Variants in NEXMIF observed in about 807,000 individuals in gnomAD.
NEXMIF encodes the protein XLMR protein related to neurite extension.
Under a neutral mutation model 62.1 loss-of-function variants are expected in NEXMIF, and 8 were observed. The ratio of observed to expected loss-of-function variants is 0.13; its 90% confidence interval spans 0.08 to 0.23. NEXMIF has a LOEUF of 0.23. Ranked by LOEUF, NEXMIF falls within the 10% of genes least tolerant of loss-of-function variation. The probability of loss-of-function intolerance (pLI) is 1.00; values close to 1 mark genes in which losing one functional copy is unlikely to be tolerated. For synonymous variants in NEXMIF, 404 were observed against 416.6 expected (o/e 0.97, Z 0.37); for missense variants, 976 against 1,113.3 (o/e 0.88, Z 1.75).
chrX:74,900,290 C>T (rs945854593), intron 1 of NEXMIF, among the ~76,000 whole-genome samples: 1 of 108,650 alleles, frequency 9.2e-6, no homozygotes, highest in Non-Finnish European at 1.9e-5. Context: ...TGGTGAAAAT[C>T]CCGTCTCTAC....
chrX:74,877,828 G>T (rs933982470), intron 1 of NEXMIF, among the ~76,000 whole-genome samples: 1 of 111,832 alleles, frequency 8.9e-6, no homozygotes, highest in Non-Finnish European at 1.9e-5. Flanking sequence ...TCGAGCCTTG[G>T]TTTTCAGCTC....
intron 1 of NEXMIF, among the ~76,000 whole-genome samples, chrX:74,774,305 C>T (rs2080222192): frequency 9.0e-6 from 1 of 111,361 alleles, no homozygotes; most frequent in Admixed American, 9.6e-5. Context: ...TAATATATTA[C>T]TTTATCACCT....
chrX:74,881,392 G>GCACATGCACACA (rs2080662591), intron 1 of NEXMIF, among the ~76,000 whole-genome samples: 1 of 88,576 alleles, frequency 1.1e-5, no homozygotes, highest in African/African-American at 4.3e-5. Flanking sequence ...ACATACACAT[G>GCACATGCACACA]CACACACACA....
intron 1 of NEXMIF, among the ~76,000 whole-genome samples, chrX:74,831,621 CTT>C (rs1569351609): frequency 9.0e-6 from 1 of 110,536 alleles, no homozygotes; most frequent in Non-Finnish European, 1.9e-5. Context: ...GGTTCCAAGT[CTT>C]TGCTATTGTG....
At chrX:74,878,139 G>C (rs910206888) in intron 1 of NEXMIF, among the ~76,000 whole-genome samples, 3 of 111,333 alleles carry the variant, frequency 2.7e-5, no homozygotes, top group Admixed American at 9.6e-5. Flanking sequence ...TTTGGTCTTT[G>C]ATGATGGTGA....
chrX:74,865,987 C>A (rs752428420), intron 1 of NEXMIF, among the ~76,000 whole-genome samples: 4 of 111,560 alleles, frequency 3.6e-5, no homozygotes, highest in Admixed American at 9.5e-5. Flanking sequence ...GAAGTCCCCA[C>A]ACAGAATCTC....
chrX:74,826,752 A>T (rs2080419395), intron 1 of NEXMIF, among the ~76,000 whole-genome samples: 1 of 111,280 alleles, frequency 9.0e-6, no homozygotes, highest in Non-Finnish European at 1.9e-5. Flanking sequence ...TCAGGCTTAC[A>T]TTTAAGTCTT....
intron 1 of NEXMIF, among the ~76,000 whole-genome samples, chrX:74,905,588 T>G (rs1265525760): frequency 8.9e-6 from 1 of 111,854 alleles, no homozygotes; most frequent in Non-Finnish European, 1.9e-5. Flanking sequence ...AGCGGTCAGA[T>G]CACTTGAGAT....
At chrX:74,902,698 A>T (rs6647564) in intron 1 of NEXMIF, among the ~76,000 whole-genome samples, 1,347 of 111,699 alleles carry the variant, frequency 0.012, 23 homozygotes, top group African/African-American at 0.042. Flanking sequence ...GGGTCTGAGG[A>T]CAGTTGTGAG....
chrX:74,769,283 G>A (rs964794661), intron 1 of NEXMIF, among the ~76,000 whole-genome samples: 2 of 111,000 alleles, frequency 1.8e-5, no homozygotes, highest in African/African-American at 3.3e-5. Flanking sequence ...TCCAGGACTC[G>A]GTACAGAGTT....
At chrX:74,750,648 G>A (rs188275667) in intron 1 of NEXMIF, among the ~76,000 whole-genome samples, 8 of 111,764 alleles carry the variant, frequency 7.2e-5, no homozygotes, top group East Asian at 5.7e-4. Context: ...ATAATGGATG[G>A]CAGAATCAGC....
At chrX:74,783,812 G>C (rs897220666) in intron 1 of NEXMIF, among the ~76,000 whole-genome samples, 8 of 111,727 alleles carry the variant, frequency 7.2e-5, no homozygotes, top group African/African-American at 2.6e-4. Context: ...TTGTCCATCT[G>C]TAAGATATGC....
rs746824207 is a variant in NEXMIF, at chrX:74,741,837, T to G, written c.2720A>C (p.Glu907Ala). The change falls in exon 3 of 4, where the codon GAG becomes GCG. Residue 907 changes from glutamate (E) to alanine (A), a missense_variant. Around this residue, in one of 5 missense-constraint regions of NEXMIF, gnomAD observed 639 missense variants for 694.5 expected, o/e 0.92. Transcript: ENST00000055682. The part of the protein sequence containing the change: ...TQEFMAEVSR[E>A]IAPTQSSEFG... ...TTCACTGGATTGGGTTGGGGCTATC[T>G]CCCTTGAGACTTCAGCCATGAATTC... 7 of 1,211,838 alleles carry G rather than the reference T, an allele frequency of 5.8e-6. No individual in the cohort carries two copies. Among genetic ancestry groups the G allele is most frequent in the Non-Finnish European group, 7.8e-6 (7 of 895,445 alleles).
intron 1 of NEXMIF, among the ~76,000 whole-genome samples, chrX:74,747,951 T>C (rs1418418944): frequency 1.8e-5 from 2 of 112,278 alleles, no homozygotes; most frequent in African/African-American, 6.5e-5. Context: ...AAGAACACTA[T>C]GTCAGGGGAC....
chrX:74,765,728 T>C (rs2080192670), intron 1 of NEXMIF, among the ~76,000 whole-genome samples: 1 of 110,299 alleles, frequency 9.1e-6, no homozygotes, highest in African/African-American at 3.3e-5. Context: ...AAGATTTTTT[T>C]CTTTAAGAAT....
At chrX:74,844,242 G>A (rs2080484065) in intron 1 of NEXMIF, among the ~76,000 whole-genome samples, 1 of 111,252 alleles carries the variant, frequency 9.0e-6, no homozygotes, top group Non-Finnish European at 1.9e-5. Flanking sequence ...TGGAAAATCT[G>A]ATGATTGTGT....
chrX:74,874,134 T>C (rs1446808653), intron 1 of NEXMIF, among the ~76,000 whole-genome samples: 1 of 108,463 alleles, frequency 9.2e-6, no homozygotes, highest in Non-Finnish European at 1.9e-5. Context: ...AGGTCTAACG[T>C]TTAAGTCTTT....
At chrX:74,908,495 C>T (rs1034543556) in intron 1 of NEXMIF, among the ~76,000 whole-genome samples, 13 of 112,661 alleles carry the variant, frequency 1.2e-4, no homozygotes, top group Admixed American at 4.7e-4. Context: ...CACTTACCTG[C>T]TTTTCAACTT....
chrX:74,921,163 C>T (rs2080825632), intron 1 of NEXMIF, among the ~76,000 whole-genome samples: 1 of 111,097 alleles, frequency 9.0e-6, no homozygotes, highest in African/African-American at 3.3e-5. Flanking sequence ...ATAGTGCTTA[C>T]CTGCAGAAAA....
Sources: gnomAD v4.1 joint callset for allele counts (sites outside exome capture counted in the v4.1 genomes callset) on GRCh38, gnomAD v4.1.1 for gene constraint, gnomAD v4.1.1 regional missense constraint, MANE v1.5 for transcripts, NCBI Gene and HGNC (gene_info 2026-07-23, HGNC 2026-07-21) for gene names.